The following MKLN1 variants were observed in gnomAD, a reference collection of about 807,000 sequenced individuals.
MKLN1 encodes the protein muskelin.
Under a neutral mutation model 99.0 loss-of-function variants are expected in MKLN1, and 18 were observed. That is an observed-to-expected ratio of 0.18 (90% CI 0.13 to 0.27). The LOEUF is 0.27. MKLN1 is among the 10% of genes least tolerant of loss of function. MKLN1 has a pLI of 1.00. For synonymous variants in MKLN1, 288 were observed against 293.2 expected, an observed-to-expected ratio of 0.98 and a Z score of 0.18; for missense variants, 621 against 875.9, an observed-to-expected ratio of 0.71 and a Z score of 3.67.
chr7:131,486,091 GAGAC>G (rs941626137), intron 17 of MKLN1, among the ~76,000 whole-genome samples: 4 of 151,828 alleles, frequency 2.6e-5, no homozygotes, highest in African/African-American at 9.7e-5. Flanking sequence ...CACATGGAGA[GAGAC>G]AGAGAGAGAG....
At chr7:131,361,246 C>T (rs1800019608) in intron 1 of MKLN1, among the ~76,000 whole-genome samples, 1 of 151,842 alleles carries the variant, frequency 6.6e-6, no homozygotes, top group African/African-American at 2.4e-5. Flanking sequence ...CTTTCTTTCC[C>T]TTCTCATATT....
At chr7:131,454,652 T>A (rs1350393536) in intron 12 of MKLN1, among the ~76,000 whole-genome samples, 2 of 152,234 alleles carry the variant, frequency 1.3e-5, no homozygotes, top group Non-Finnish European at 2.9e-5. Flanking sequence ...TCATGATTAG[T>A]CTAAACCAGT....
At chr7:131,394,777 A>G (rs10261864) in intron 4 of MKLN1, among the ~76,000 whole-genome samples, 73,444 of 151,822 alleles carry the variant, frequency 0.48, 18,379 homozygotes, top group East Asian at 0.68. Flanking sequence ...AACTCTACAA[A>G]TGTTAGTTTC....
intron 2 of MKLN1, among the ~76,000 whole-genome samples, chr7:131,144,081 T>C (rs1387932481): frequency 6.6e-6 from 1 of 152,206 alleles, no homozygotes. Context: ...GTAAGCATTA[T>C]GAGGGCAGGC....
intron 3 of MKLN1, among the ~76,000 whole-genome samples, chr7:131,253,961 A>G (rs1797619539): frequency 6.6e-6 from 1 of 152,254 alleles, no homozygotes; most frequent in Non-Finnish European, 1.5e-5. Context: ...ACTGACCTCA[A>G]AAACTACCCC....
chr7:131,265,969 T>C (rs1797801348), intron 3 of MKLN1, among the ~76,000 whole-genome samples: 2 of 151,384 alleles, frequency 1.3e-5, no homozygotes, highest in Admixed American at 1.3e-4. Context: ...AGGCCAGGAG[T>C]CTGAGACCAG....
At chr7:131,139,399 C>A (rs1435884745) in intron 1 of MKLN1, among the ~76,000 whole-genome samples, 1 of 152,020 alleles carries the variant, frequency 6.6e-6, no homozygotes, top group East Asian at 1.9e-4. Context: ...CCTTGACTCA[C>A]CTTCGCTCCC....
chr7:131,328,224 G>C, intron 1 of MKLN1: 1 of 552,002 alleles, frequency 1.8e-6, no homozygotes, highest in Non-Finnish European at 3.2e-6. Context: ...GAGGTGTGTG[G>C]CGGATCCGGG....
At chr7:131,192,132 A>T (rs1223898957) in intron 2 of MKLN1, among the ~76,000 whole-genome samples, 37 of 76,116 alleles carry the variant, frequency 4.9e-4, no homozygotes, top group African/African-American at 1.8e-3. Context: ...TATATATATA[A>T]AAATATATAT....
At chr7:131,353,133 C>T (rs771031109) in intron 1 of MKLN1, among the ~76,000 whole-genome samples, 2 of 152,012 alleles carry the variant, frequency 1.3e-5, no homozygotes, top group Non-Finnish European at 2.9e-5. Flanking sequence ...GGAAAAATGC[C>T]GAAGAGTCCA....
chr7:131,206,471 TC>T (rs1271855662), intron 3 of MKLN1, among the ~76,000 whole-genome samples: 1 of 151,744 alleles, frequency 6.6e-6, no homozygotes, highest in African/African-American at 2.4e-5. Flanking sequence ...TGTATTTCCT[TC>T]CCTTTTTTGT....
intron 10 of MKLN1, among the ~76,000 whole-genome samples, chr7:131,441,414 G>A (rs1467390754): frequency 6.6e-6 from 1 of 152,050 alleles, no homozygotes; most frequent in African/African-American, 2.4e-5. Context: ...TTTTTCCCAG[G>A]AAAATAAGTG....
At chr7:131,463,190 C>T (rs779854286) in intron 12 of MKLN1, 27 bp from the exon 13 acceptor site, 3 of 1,550,770 alleles carry the variant, frequency 1.9e-6, no homozygotes, top group Non-Finnish European at 2.7e-6. Context: ...TGAATATTTT[C>T]ATCTTATTTT....
At chr7:131,342,232 T>G (rs1799429108) in intron 1 of MKLN1, among the ~76,000 whole-genome samples, 1 of 152,178 alleles carries the variant, frequency 6.6e-6, no homozygotes, top group Non-Finnish European at 1.5e-5. Context: ...GTAAGGAAAG[T>G]GATCATTTGG....
intron 3 of MKLN1, among the ~76,000 whole-genome samples, chr7:131,246,220 G>A (rs1008198001): frequency 4.6e-5 from 7 of 152,234 alleles, no homozygotes; most frequent in Admixed American, 2.6e-4. Context: ...GCTCCATGAG[G>A]CGGCCCTCTG....
intron 1 of MKLN1, among the ~76,000 whole-genome samples, chr7:131,134,545 C>T (rs1246103949): frequency 2.0e-5 from 3 of 152,172 alleles, no homozygotes; most frequent in Non-Finnish European, 4.4e-5. Flanking sequence ...GCTTCATATC[C>T]TGTTCAGCAT....
chr7:131,161,614 C>T (rs368421513), intron 2 of MKLN1, among the ~76,000 whole-genome samples: 1 of 151,976 alleles, frequency 6.6e-6, no homozygotes. Flanking sequence ...TGCAGTGGTG[C>T]GATCTCGGCT....
rs189275562 is a variant in MKLN1, at chr7:131,195,193, C to T, written c.-296-7664C>T. Reference sequence around the variant, plus strand: ...AGATTGGTCTCAGGGGAAGAGGAGACGCGTTAAAGAAGGTGATTAAAATAT... The same window carrying T: ...AGATTGGTCTCAGGGGAAGAGGAGATGCGTTAAAGAAGGTGATTAAAATAT... On this transcript the variant is annotated intron_variant, in intron 2 of 7. Coordinates refer to the MKLN1 transcript ENST00000416992. Among the ~76,000 whole-genome samples the T allele has an allele frequency of 3.9e-4, 59 of 152,152 alleles. No homozygotes were observed. In the East Asian group the frequency reaches 7.1e-3, roughly 18 times the overall value.
chr7:131,495,211 G>A lies in MKLN1; in HGVS notation c.*7483G>A, dbSNP rs1313587951. ...AGAAATTAAGATCCCCTCTGATAGA[G>A]ATAGATTCTCAAAACCAAAATTGGA... On this transcript the variant is annotated 3_prime_UTR_variant, in exon 18 of 18. Transcript: ENST00000352689. 1 of 152,194 alleles carries A rather than the reference G, an allele frequency of 6.6e-6. No individual in the cohort carries two copies. The highest frequency in any genetic ancestry group is 1.5e-5 in the Non-Finnish European group (1 of 68,024). The allele number at this position is 152,194 out of a possible 1,614,324, so 9.4% of individuals were successfully genotyped here. A position where few individuals can be genotyped will look rare whatever the true frequency, so the allele number is the denominator to read the frequency against.
Sources: gnomAD v4.1 joint callset for allele counts (sites outside exome capture counted in the v4.1 genomes callset) on GRCh38, gnomAD v4.1.1 for gene constraint, MANE v1.5 for transcripts, NCBI Gene and HGNC (gene_info 2026-07-23, HGNC 2026-07-21) for gene names.